Variants in CSNK1G3 observed in about 807,000 individuals in gnomAD.
The protein encoded by CSNK1G3 is casein kinase 1 gamma 3.
A neutral mutation model predicts 64.3 loss-of-function variants in CSNK1G3; 23 were observed. That is an observed-to-expected ratio of 0.36 (90% confidence interval 0.26 to 0.51). The LOEUF is 0.51. Among genes scored for constraint, CSNK1G3 ranks in the 20% least tolerant of loss-of-function variants. The probability of loss-of-function intolerance (pLI) is 0.96; values close to 1 mark genes in which losing one functional copy is unlikely to be tolerated. For missense variants in CSNK1G3, 357 were observed against 510.5 expected, an observed-to-expected ratio of 0.70 and a Z score of 2.90; for synonymous variants, 158 against 162.2, an observed-to-expected ratio of 0.97 and a Z score of 0.20.
intron 1 of CSNK1G3, among the ~76,000 whole-genome samples, chr5:123,513,077 C>G (rs1404630114): frequency 6.6e-6 from 1 of 152,072 alleles, no homozygotes; most frequent in Non-Finnish European, 1.5e-5. Flanking sequence ...GGATAAACTT[C>G]CCGTTGGAGT....
chr5:123,585,658 T>C (rs1464693486), intron 6 of CSNK1G3, among the ~76,000 whole-genome samples: 2 of 152,190 alleles, frequency 1.3e-5, no homozygotes, highest in Non-Finnish European at 2.9e-5. Flanking sequence ...GGCAAACACA[T>C]GAAATAAAGT....
intron 1 of CSNK1G3, among the ~76,000 whole-genome samples, chr5:123,522,539 C>T (rs1328286123): frequency 2.0e-5 from 3 of 151,710 alleles, no homozygotes; most frequent in African/African-American, 4.8e-5. Flanking sequence ...GAGGGTGTGG[C>T]CAGGTACCTG....
chr5:123,519,274 G>C (rs1485121106), intron 1 of CSNK1G3, among the ~76,000 whole-genome samples: 1 of 152,100 alleles, frequency 6.6e-6, no homozygotes, highest in Admixed American at 6.5e-5. Flanking sequence ...GGCTGGTCTT[G>C]AACTCCTGAC....
intron 1 of CSNK1G3, among the ~76,000 whole-genome samples, chr5:123,523,309 TG>T (rs1431781534): frequency 6.6e-6 from 1 of 152,202 alleles, no homozygotes; most frequent in African/African-American, 2.4e-5. Flanking sequence ...AAATACACTA[TG>T]ATAATAGGGT....
intron 11 of CSNK1G3, 74 bp downstream of exon 12, chr5:123,604,904 A>G: frequency 1.7e-6 from 2 of 1,186,410 alleles, no homozygotes; most frequent in Middle Eastern, 2.3e-4. Context: ...ATAGTTACAT[A>G]CAATTATTTC....
chr5:123,560,306 A>T (rs372798586), intron 4 of CSNK1G3, among the ~76,000 whole-genome samples: 2 of 152,212 alleles, frequency 1.3e-5, no homozygotes, highest in South Asian at 4.1e-4. Context: ...GGAAAATTGT[A>T]TGTTGATTCT....
At chr5:123,548,110 G>A (rs750001172) in intron 2 of CSNK1G3, among the ~76,000 whole-genome samples, 6 of 152,052 alleles carry the variant, frequency 3.9e-5, no homozygotes, top group Non-Finnish European at 8.8e-5. Context: ...TTGGGGCTGG[G>A]CAGTTCTTTT....
chr5:123,559,146 C>T (rs2150441485), intron 4 of CSNK1G3, among the ~76,000 whole-genome samples: 1 of 152,136 alleles, frequency 6.6e-6, no homozygotes, highest in South Asian at 2.1e-4. Context: ...TTGATTGCCT[C>T]AAGTTAGATC....
intron 1 of CSNK1G3, among the ~76,000 whole-genome samples, chr5:123,539,399 T>C (rs955240388): frequency 1.3e-5 from 2 of 151,190 alleles, no homozygotes; most frequent in African/African-American, 4.9e-5. Context: ...TGAGCTGTGA[T>C]TGTGTTAATG....
chr5:123,581,625 TTTAGA>T (rs1313640138), intron 6 of CSNK1G3, among the ~76,000 whole-genome samples: 1 of 151,814 alleles, frequency 6.6e-6, no homozygotes, highest in Non-Finnish European at 1.5e-5. Context: ...AGATTAGGTG[TTTAGA>T]TTAGTGAACT....
At chr5:123,574,290 C>T (rs10076545) in intron 5 of CSNK1G3, among the ~76,000 whole-genome samples, 8 of 152,038 alleles carry the variant, frequency 5.3e-5, no homozygotes, top group East Asian at 1.9e-4. Flanking sequence ...AAGGCAGTTT[C>T]GAAATAAATG....
Position 123,573,298 on chromosome 5 carries a change from C to T in CSNK1G3, c.290-95C>T, listed in dbSNP as rs905756565. 1.1e-5 allele frequency: 15 copies of T among 1,348,740 alleles called. No homozygotes were observed. In the African/African-American group the frequency reaches 2.0e-4, roughly 18 times the overall value. 83.5% of individuals were successfully genotyped at this position (1,348,740 alleles called of 1,614,324 possible). A position where few individuals can be genotyped will look rare whatever the true frequency, so the allele number is the denominator to read the frequency against. The stretch of plus-strand genomic sequence containing the variant: ...AAAAAGTGATAGTACTGCTTTAGTT[C>T]TTGAAACTATAAAATTTTAAATATC... On this transcript the variant is annotated intron_variant, in intron 4 of 12. Transcript: ENST00000345990.
At position 123,581,184 on chromosome 5, in the gene CSNK1G3, C is replaced by T. The variant is rs533497584; in HGVS notation, c.673+5221C>T. Among the ~76,000 whole-genome samples the T allele has an allele frequency of 1.2e-3, 184 of 151,434 alleles. 1 individual carries two copies. The highest frequency in any genetic ancestry group is 2.4e-3 in the Non-Finnish European group (161 of 67,686). ...TAATTTTTTGTTAGAGTATAATGAA[C>T]ATAATTGGTATTTTCTTGATGTTTC... On this transcript the variant is annotated intron_variant, in intron 6 of 12. Coordinates refer to ENST00000345990, the Ensembl canonical transcript of CSNK1G3.
At chr5:123,579,348 AGTTTTATTCAG>A (rs1374122370) in intron 6 of CSNK1G3, among the ~76,000 whole-genome samples, 1 of 151,222 alleles carries the variant, frequency 6.6e-6, no homozygotes, top group Non-Finnish European at 1.5e-5. Context: ...ATGAAACACA[AGTTTTATTCAG>A]TTAATATGTT....
chr5:123,604,874 A>G (rs1054810337), intron 11 of CSNK1G3, 44 bp downstream of exon 12: 12 of 1,392,764 alleles, frequency 8.6e-6, no homozygotes, highest in Middle Eastern at 1.8e-4. Context: ...TTGTTCTTAA[A>G]TTATGCATGC....
chr5:123,577,254 A>C (rs924252086), intron 6 of CSNK1G3, among the ~76,000 whole-genome samples: 6 of 152,060 alleles, frequency 3.9e-5, no homozygotes, highest in Non-Finnish European at 8.8e-5. Flanking sequence ...CTTTTATTGG[A>C]TAATGGTATT....
chr5:123,512,839 C>T (rs1451183446), intron 1 of CSNK1G3, among the ~76,000 whole-genome samples: 1 of 151,166 alleles, frequency 6.6e-6, no homozygotes, highest in African/African-American at 2.4e-5. Flanking sequence ...GGTGGCGGGT[C>T]GGGCTGGGTG....
At chr5:123,602,055 A>T (rs1354572473) in intron 10 of CSNK1G3, among the ~76,000 whole-genome samples, 1 of 152,178 alleles carries the variant, frequency 6.6e-6, no homozygotes, top group Non-Finnish European at 1.5e-5. Flanking sequence ...AGAGAGAGAG[A>T]AAAATAAAGA....
At chr5:123,581,887 A>G (rs1790376087) in intron 6 of CSNK1G3, among the ~76,000 whole-genome samples, 2 of 152,054 alleles carry the variant, frequency 1.3e-5, no homozygotes, top group South Asian at 4.1e-4. Flanking sequence ...TTTACTTATA[A>G]GAAATGATTT....
Sources: allele counts gnomAD v4.1 joint callset (sites outside exome capture counted in the v4.1 genomes callset), GRCh38; gene constraint gnomAD v4.1.1; transcripts MANE v1.5; gene names NCBI Gene and HGNC (gene_info 2026-07-23, HGNC 2026-07-21).